The following TRDN variants were observed in gnomAD, a reference collection of about 807,000 sequenced individuals.
TRDN encodes the protein triadin in skeletal muscle.
TRDN carries 161 observed loss-of-function variants against 149.7 expected under a neutral mutation model. The ratio of observed to expected loss-of-function variants is 1.08; its 90% CI spans 0.95 to 1.23. The LOEUF (loss-of-function observed/expected upper bound fraction) is 1.23. TRDN is among the 50% of genes most tolerant of loss of function. The pLI is 0.00. For missense variants in TRDN, 896 were observed against 823.5 expected, an observed-to-expected ratio of 1.09 and a Z score of -1.08; for synonymous variants, 294 against 250.5, an observed-to-expected ratio of 1.17 and a Z score of -1.64.
At chr6:123,587,278 TC>T (rs1783544828) in intron 1 of TRDN, among the ~76,000 whole-genome samples, 2 of 152,058 alleles carry the variant, frequency 1.3e-5, no homozygotes, top group Admixed American at 1.3e-4. Context: ...AAGGCTGCCT[TC>T]CCTAGTCCAT....
At chr6:123,278,850 T>A (rs562812113) in intron 25 of TRDN, among the ~76,000 whole-genome samples, 1 of 152,130 alleles carries the variant, frequency 6.6e-6, no homozygotes, top group East Asian at 1.9e-4. Context: ...TTCCAGTGAA[T>A]AAAAGATAAA....
intron 21 of TRDN, among the ~76,000 whole-genome samples, chr6:123,346,563 C>CA (rs1430187276): frequency 2.0e-5 from 3 of 151,928 alleles, no homozygotes; most frequent in Non-Finnish European, 2.9e-5. Flanking sequence ...GCTATTTCAA[C>CA]AAACCAGAAA....
rs1047089527 is a variant in TRDN, at chr6:123,300,888, T to C, written c.1510+15569A>G. Among the ~76,000 whole-genome samples the C allele has an allele frequency of 4.0e-5, 6 of 150,868 alleles. No homozygotes were observed. The East Asian group carries it at 1.2e-3, about 29-fold the overall frequency. On this transcript the variant is annotated intron_variant, in intron 24 of 40. Coordinates refer to ENST00000334268, the MANE Select transcript of TRDN (RefSeq NM_006073.4). ...AAGAAATATCTTACCATTATGTCCA[T>C]GAAGTCAGTTTCCCCTTTTAACGAA...
intron 1 of TRDN, among the ~76,000 whole-genome samples, chr6:123,572,722 G>C (rs1001687457): frequency 6.6e-6 from 1 of 152,022 alleles, no homozygotes; most frequent in Non-Finnish European, 1.5e-5. Flanking sequence ...AAACATTTTT[G>C]TGTATTAAAA....
chr6:123,585,548 G>A lies in TRDN; in HGVS notation c.23-14416C>T, dbSNP rs559874086. 6.1e-3 allele frequency among the ~76,000 whole-genome samples: 925 copies of A among 152,282 alleles called. 4 individuals carry two copies. Among genetic ancestry groups the A allele is most frequent in the Middle Eastern group, 0.017 (5 of 294 alleles). On this transcript the variant is annotated intron_variant, in intron 1 of 40. Transcript: ENST00000334268. ...GGGGCTTCCGAGGCGATTGGGCAGC[G>A]TCAGTCTTCAGCCGCTAAGCCAAGA... is the stretch of plus-strand genomic sequence containing the variant.
intron 23 of TRDN, among the ~76,000 whole-genome samples, chr6:123,326,569 C>T (rs1172177945): frequency 6.6e-6 from 1 of 150,850 alleles, no homozygotes; most frequent in Non-Finnish European, 1.5e-5. Flanking sequence ...AGACATACAC[C>T]TACTATTAAT....
intron 37 of TRDN, among the ~76,000 whole-genome samples, chr6:123,253,030 T>G (rs1445143649): frequency 6.6e-6 from 1 of 152,066 alleles, no homozygotes; most frequent in Non-Finnish European, 1.5e-5. Context: ...AATATATCAT[T>G]TAGAATTATT....
At chr6:123,551,767 C>T (rs1179004839) in intron 2 of TRDN, among the ~76,000 whole-genome samples, 1 of 152,034 alleles carries the variant, frequency 6.6e-6, no homozygotes, top group African/African-American at 2.4e-5. Context: ...GATGGAGCCA[C>T]GTTTTACACC....
intron 10 of TRDN, among the ~76,000 whole-genome samples, chr6:123,460,053 A>G (rs1051110904): frequency 2.0e-5 from 3 of 152,222 alleles, no homozygotes; most frequent in African/African-American, 7.2e-5. Context: ...TCTTAAGCTC[A>G]CCACTCACCA....
chr6:123,464,385 TGTGA>T (rs767241051), intron 10 of TRDN: 8 of 970,158 alleles, frequency 8.2e-6, no homozygotes, highest in African/African-American at 1.8e-5. Flanking sequence ...TTTGTGTGTG[TGTGA>T]GTGTGTGTGT....
At chr6:123,634,581 A>T (rs1243007333) in intron 1 of TRDN, among the ~76,000 whole-genome samples, 1 of 152,016 alleles carries the variant, frequency 6.6e-6, no homozygotes, top group Non-Finnish European at 1.5e-5. Flanking sequence ...GAGGAAGACA[A>T]TTGTAGCTAG....
At chr6:123,334,953 G>A (rs1333385949) in intron 22 of TRDN, among the ~76,000 whole-genome samples, 5 of 151,920 alleles carry the variant, frequency 3.3e-5, no homozygotes, top group African/African-American at 1.2e-4. Context: ...TCTCTTAGTG[G>A]TTTAATAGAA....
chr6:123,496,206 AG>A (rs1778440808), intron 9 of TRDN, among the ~76,000 whole-genome samples: 1 of 149,376 alleles, frequency 6.7e-6, no homozygotes. Flanking sequence ...GGAAAAGGGG[AG>A]GAGGAGGAAA....
chr6:123,350,102 T>C (rs1780402375), intron 21 of TRDN: 2 of 975,462 alleles, frequency 2.1e-6, no homozygotes, highest in Middle Eastern at 5.2e-4. Context: ...AACTTTATAC[T>C]TAATAAAATG....
chr6:123,329,024 T>C (rs1296533734), intron 23 of TRDN, among the ~76,000 whole-genome samples: 1 of 152,150 alleles, frequency 6.6e-6, no homozygotes, highest in Non-Finnish European at 1.5e-5. Context: ...ATCTTTCATT[T>C]TAAGGAATGA....
chr6:123,365,288 T>C (rs1438965323), intron 20 of TRDN, among the ~76,000 whole-genome samples: 1 of 152,130 alleles, frequency 6.6e-6, no homozygotes, highest in Admixed American at 6.5e-5. Context: ...TATGTATATA[T>C]AAAATAATCA....
At chr6:123,331,347 A>G (rs578096958) in intron 23 of TRDN, among the ~76,000 whole-genome samples, 2 of 152,090 alleles carry the variant, frequency 1.3e-5, no homozygotes, top group Non-Finnish European at 2.9e-5. Flanking sequence ...TTGAAGTTCT[A>G]ATGCTGTCTC....
At chr6:123,564,567 A>G (rs923975242) in intron 2 of TRDN, among the ~76,000 whole-genome samples, 9 of 152,234 alleles carry the variant, frequency 5.9e-5, no homozygotes. Flanking sequence ...CAGGAAAATT[A>G]ATTTCCAAGA....
chr6:123,490,038 A>G (rs1462087902), intron 9 of TRDN, among the ~76,000 whole-genome samples: 1 of 152,222 alleles, frequency 6.6e-6, no homozygotes, highest in Non-Finnish European at 1.5e-5. Context: ...TGAATGCAGA[A>G]AGACAGAGAG....
Sources: gnomAD v4.1 joint callset for allele counts (sites outside exome capture counted in the v4.1 genomes callset) on GRCh38, gnomAD v4.1.1 for gene constraint, MANE v1.5 for transcripts, NCBI Gene and HGNC (gene_info 2026-07-23, HGNC 2026-07-21) for gene names.